NEK11: variants seen among roughly 807,000 people sequenced by gnomAD.
NEK11 encodes the protein serine/threonine-protein kinase Nek11.
A neutral mutation model predicts 80.7 loss-of-function variants in NEK11; 72 were observed. The observed-to-expected ratio is 0.89, with a 90% CI of 0.74 to 1.08. The LOEUF (loss-of-function observed/expected upper bound fraction) is 1.08. Ranked by LOEUF, NEK11 falls within the 50% of genes least tolerant of loss-of-function variation. NEK11 has a pLI of 0.00. For synonymous variants in NEK11, 251 were observed against 260.7 expected, an observed-to-expected ratio of 0.96 and a Z score of 0.36; for missense variants, 764 against 763.6, an observed-to-expected ratio of 1.00 and a Z score of -0.01.
chr3:131,302,332 G>A (rs1434085791), intron 17 of NEK11, among the ~76,000 whole-genome samples: 3 of 151,786 alleles, frequency 2.0e-5, no homozygotes, highest in Non-Finnish European at 2.9e-5. Context: ...TAATCTTTTG[G>A]AGGTTTTTCA....
intron 14 of NEK11, among the ~76,000 whole-genome samples, chr3:131,188,909 G>A (rs1002735542): frequency 6.6e-6 from 1 of 152,158 alleles, no homozygotes; most frequent in Non-Finnish European, 1.5e-5. Flanking sequence ...TTGGAATAAA[G>A]ATCTTTGCAG....
At chr3:131,103,374 A>G (rs1007966886) in intron 4 of NEK11, among the ~76,000 whole-genome samples, 3 of 152,342 alleles carry the variant, frequency 2.0e-5, no homozygotes, top group South Asian at 2.1e-4. Flanking sequence ...CCAATGCTCT[A>G]TGCAGCTTCT....
intron 10 of NEK11, among the ~76,000 whole-genome samples, chr3:131,161,713 G>A (rs1451146407): frequency 1.3e-5 from 2 of 152,062 alleles, no homozygotes; most frequent in African/African-American, 4.8e-5. Flanking sequence ...GAGAGGATCA[G>A]GAAAAATAAC....
intron 17 of NEK11, among the ~76,000 whole-genome samples, chr3:131,292,840 T>TG (rs999524813): frequency 9.9e-5 from 15 of 152,206 alleles, no homozygotes; most frequent in East Asian, 9.7e-4. Context: ...TGTTTCATTT[T>TG]GGGGGGGTGC....
intron 3 of NEK11, among the ~76,000 whole-genome samples, chr3:131,036,598 G>A (rs2065685417): frequency 6.6e-6 from 1 of 152,214 alleles, no homozygotes; most frequent in Admixed American, 6.5e-5. Flanking sequence ...GGAAGGTTGG[G>A]TGAGGCAAGG....
intron 14 of NEK11, among the ~76,000 whole-genome samples, chr3:131,201,014 A>G (rs1293076222): frequency 6.6e-6 from 1 of 152,166 alleles, no homozygotes; most frequent in Non-Finnish European, 1.5e-5. Flanking sequence ...ATACAATGGG[A>G]TGCTCTATAG....
chr3:131,320,849 A>G (rs2096890101), intron 17 of NEK11, among the ~76,000 whole-genome samples: 1 of 152,228 alleles, frequency 6.6e-6, no homozygotes, highest in African/African-American at 2.4e-5. Flanking sequence ...GAAATCATAG[A>G]TGACACAAAC....
chr3:131,266,416 C>T (rs2096059577), intron 16 of NEK11, among the ~76,000 whole-genome samples: 1 of 152,150 alleles, frequency 6.6e-6, no homozygotes, highest in Admixed American at 6.5e-5. Context: ...TGTCTTTGTT[C>T]TCATCAGTTT....
At chr3:131,314,049 C>A (rs2096808990) in intron 17 of NEK11, among the ~76,000 whole-genome samples, 1 of 151,850 alleles carries the variant, frequency 6.6e-6, no homozygotes. Flanking sequence ...TTAACTATAC[C>A]CAGTATTCTG....
At chr3:131,096,829 T>C (rs1232120162) in intron 4 of NEK11, among the ~76,000 whole-genome samples, 1 of 151,604 alleles carries the variant, frequency 6.6e-6, no homozygotes, top group Non-Finnish European at 1.5e-5. Flanking sequence ...TGGTATGCTG[T>C]ACCCATTAAC....
intron 5 of NEK11, among the ~76,000 whole-genome samples, chr3:131,121,365 C>T (rs2082344191): frequency 6.6e-6 from 1 of 152,190 alleles, no homozygotes; most frequent in South Asian, 2.1e-4. Flanking sequence ...CTCAGAGGGG[C>T]ACCTGGCTGT....
In NEK11 at chr3:131,152,688, T is replaced by A; in HGVS notation, c.855T>A (p.Pro285=). 6.2e-7 allele frequency: 1 copy of A among 1,612,496 alleles called. No individual in the cohort carries two copies. Among genetic ancestry groups the A allele is most frequent in the Non-Finnish European group, 8.5e-7 (1 of 1,178,752 alleles). The part of the protein sequence containing the change: ...RPSAIEILKI[P]YLDEQLQNLM... ...CTGCTATCGAAATTTTAAAAATCCC[T>A]TACCTTGATGAGCAGCTACAGGTAT... The change falls in exon 9 of 18, where the codon CCT becomes CCA. Residue 285 remains proline (P), a synonymous_variant. Coordinates refer to ENST00000383366, the MANE Select transcript of NEK11 (RefSeq NM_024800.5).
intron 3 of NEK11, 50 bp downstream of exon 3, chr3:131,029,928 C>G: frequency 6.5e-7 from 1 of 1,544,684 alleles, no homozygotes; most frequent in Admixed American, 1.7e-5. Context: ...TTTTTGTTTG[C>G]AGGTCTTAGC....
intron 3 of NEK11, among the ~76,000 whole-genome samples, chr3:131,080,039 T>TGTGTG (rs2074999826): frequency 2.0e-5 from 3 of 148,852 alleles, no homozygotes; most frequent in Non-Finnish European, 3.0e-5. Context: ...GTGTGTGTGT[T>TGTGTG]TGTGTGTGTG....
intron 16 of NEK11, among the ~76,000 whole-genome samples, chr3:131,247,339 C>T (rs773063870): frequency 2.6e-5 from 4 of 152,110 alleles, no homozygotes; most frequent in Non-Finnish European, 5.9e-5. Flanking sequence ...CTACATGTGA[C>T]TTGCCAATTA....
At chr3:131,220,777 C>T (rs879687588) in intron 14 of NEK11, among the ~76,000 whole-genome samples, 5 of 152,132 alleles carry the variant, frequency 3.3e-5, no homozygotes, top group African/African-American at 9.7e-5. Context: ...GCAGGGTGTC[C>T]GGGGCAGACT....
chr3:131,201,788 C>A (rs529254480), intron 14 of NEK11, among the ~76,000 whole-genome samples: 14 of 151,926 alleles, frequency 9.2e-5, no homozygotes, highest in African/African-American at 3.4e-4. Context: ...ATGTTAATTT[C>A]TCATGAAATC....
intron 17 of NEK11, chr3:131,324,972 A>G (rs775650452): frequency 2.0e-5 from 3 of 152,228 alleles, no homozygotes; most frequent in Admixed American, 6.5e-5. Context: ...TCTTGAGGCC[A>G]TTCTAAAGGA....
At chr3:131,182,546 G>A (rs1452085651) in intron 14 of NEK11, among the ~76,000 whole-genome samples, 1 of 152,150 alleles carries the variant, frequency 6.6e-6, no homozygotes, top group African/African-American at 2.4e-5. Context: ...ATATGAATGT[G>A]TAGTATAAAC....
Sources: allele counts gnomAD v4.1 joint callset (sites outside exome capture counted in the v4.1 genomes callset), GRCh38; gene constraint gnomAD v4.1.1; transcripts MANE v1.5; gene names NCBI Gene and HGNC (gene_info 2026-07-23, HGNC 2026-07-21).